B3GALT1: variants seen among roughly 807,000 people sequenced by gnomAD.
The protein encoded by B3GALT1 is beta-1,3-galactosyltransferase 1.
Under a neutral mutation model 23.2 loss-of-function variants are expected in B3GALT1, and 10 were observed. The observed-to-expected ratio is 0.43, with a 90% CI of 0.27 to 0.73. B3GALT1 has a LOEUF of 0.73. Ranked by LOEUF, B3GALT1 falls within the 30% of genes least tolerant of loss-of-function variation. The pLI is 0.21. For missense variants in B3GALT1, 299 were observed against 405.4 expected (o/e 0.74, Z 2.25); for synonymous variants, 156 against 141.5 (o/e 1.10, Z -0.73).
chr2:167,646,506 C>T (rs1685750400), intron 2 of B3GALT1, among the ~76,000 whole-genome samples: 1 of 152,210 alleles, frequency 6.6e-6, no homozygotes, highest in African/African-American at 2.4e-5. Context: ...GCTGAAACTA[C>T]CTTTTTGTGA....
chr2:167,552,101 A>C (rs1443957859), intron 2 of B3GALT1, among the ~76,000 whole-genome samples: 1 of 152,174 alleles, frequency 6.6e-6, no homozygotes, highest in Non-Finnish European at 1.5e-5. Context: ...TTTTGCTTGC[A>C]ATGGAAAATT....
chr2:167,683,142 C>G (rs144256599), intron 3 of B3GALT1, among the ~76,000 whole-genome samples: 42 of 152,240 alleles, frequency 2.8e-4, no homozygotes, highest in African/African-American at 7.9e-4. Context: ...CACAGATTCC[C>G]TAAATACTTT....
intron 2 of B3GALT1, among the ~76,000 whole-genome samples, chr2:167,572,946 C>T (rs1343988337): frequency 6.6e-6 from 1 of 151,712 alleles, no homozygotes; most frequent in Non-Finnish European, 1.5e-5. Context: ...AATCCTGCTG[C>T]CTCCTTACCC....
intron 1 of B3GALT1, among the ~76,000 whole-genome samples, chr2:167,394,737 G>A (rs1698069744): frequency 3.9e-5 from 6 of 152,116 alleles, no homozygotes; most frequent in Admixed American, 3.3e-4. Context: ...GTGTTTTATG[G>A]GTGGAAGAAG....
intron 2 of B3GALT1, among the ~76,000 whole-genome samples, chr2:167,589,455 T>A (rs1385538658): frequency 6.6e-6 from 1 of 152,166 alleles, no homozygotes; most frequent in African/African-American, 2.4e-5. Flanking sequence ...ACTTTCAAAT[T>A]TGAACCTGGC....
At chr2:167,591,187 A>T (rs776514801) in intron 2 of B3GALT1, among the ~76,000 whole-genome samples, 206 of 152,282 alleles carry the variant, frequency 1.4e-3, no homozygotes, top group Middle Eastern at 3.4e-3. Flanking sequence ...GTAAGAACGT[A>T]AAAATTTGAG....
At chr2:167,714,789 C>G in intron 3 of B3GALT1, 1 of 1,613,698 alleles carries the variant, frequency 6.2e-7, no homozygotes, top group Admixed American at 1.7e-5. Flanking sequence ...TCCAGCTCTT[C>G]AGTGACATGG....
chr2:167,784,763 C>A (rs558990017), intron 3 of B3GALT1, among the ~76,000 whole-genome samples: 1 of 152,140 alleles, frequency 6.6e-6, no homozygotes, highest in African/African-American at 2.4e-5. Flanking sequence ...AGGAGACCAC[C>A]CAATATTCCA....
At chr2:167,356,258 T>C (rs1301509466) in intron 1 of B3GALT1, among the ~76,000 whole-genome samples, 3 of 152,224 alleles carry the variant, frequency 2.0e-5, no homozygotes, top group African/African-American at 4.8e-5. Flanking sequence ...CTAAACTTTA[T>C]ACTAACTACA....
chr2:167,401,370 T>A (rs1291965118), intron 1 of B3GALT1, among the ~76,000 whole-genome samples: 2 of 152,088 alleles, frequency 1.3e-5, no homozygotes, highest in Non-Finnish European at 2.9e-5. Flanking sequence ...TGAAACTGAC[T>A]CTCTCAATGG....
intron 3 of B3GALT1, among the ~76,000 whole-genome samples, chr2:167,686,458 G>A (rs1388142197): frequency 6.6e-6 from 1 of 152,050 alleles, no homozygotes; most frequent in Non-Finnish European, 1.5e-5. Flanking sequence ...ATTGTTTTTT[G>A]TGCTTCCAAA....
At chr2:167,397,830 A>G (rs1475300473) in intron 1 of B3GALT1, among the ~76,000 whole-genome samples, 1 of 152,146 alleles carries the variant, frequency 6.6e-6, no homozygotes, top group African/African-American at 2.4e-5. Context: ...AGAACTATGA[A>G]CAGAATTCTG....
intron 1 of B3GALT1, among the ~76,000 whole-genome samples, chr2:167,484,666 T>G (rs1431004421): frequency 6.6e-6 from 1 of 152,186 alleles, no homozygotes; most frequent in African/African-American, 2.4e-5. Flanking sequence ...GGTTCTATTA[T>G]GTAGATGAAG....
At chr2:167,797,073 A>G (rs1015785795) in intron 3 of B3GALT1, among the ~76,000 whole-genome samples, 3 of 152,138 alleles carry the variant, frequency 2.0e-5, no homozygotes, top group Admixed American at 6.6e-5. Context: ...AGATCAACCC[A>G]TCACCTAGGT....
intron 2 of B3GALT1, among the ~76,000 whole-genome samples, chr2:167,622,262 G>A (rs182712699): frequency 3.3e-5 from 5 of 151,936 alleles, no homozygotes; most frequent in Non-Finnish European, 7.4e-5. Flanking sequence ...TCCAACTCTG[G>A]CCAAAGAACC....
chr2:167,752,572 T>A (rs1687754977), intron 3 of B3GALT1, among the ~76,000 whole-genome samples: 2 of 134,710 alleles, frequency 1.5e-5, no homozygotes, highest in Admixed American at 7.5e-5. Context: ...AATAGCATCC[T>A]CCCCCCCGCC....
chr2:167,343,165 G>GA (rs1443518657), intron 1 of B3GALT1, among the ~76,000 whole-genome samples: 1 of 152,108 alleles, frequency 6.6e-6, no homozygotes, highest in Non-Finnish European at 1.5e-5. Flanking sequence ...CAGGTTGAGT[G>GA]AAAAATGGAA....
At chr2:167,492,468 G>A (rs1435885407) in intron 2 of B3GALT1, among the ~76,000 whole-genome samples, 1 of 152,140 alleles carries the variant, frequency 6.6e-6, no homozygotes. Flanking sequence ...GTGGACAGAA[G>A]TTTTCAACTC....
chr2:167,615,593 T>G (rs544755027), intron 2 of B3GALT1, among the ~76,000 whole-genome samples: 1 of 152,212 alleles, frequency 6.6e-6, no homozygotes, highest in Non-Finnish European at 1.5e-5. Flanking sequence ...TCAATTCTAT[T>G]TATACATGTA....
Sources: gnomAD v4.1 joint callset for allele counts (sites outside exome capture counted in the v4.1 genomes callset) on GRCh38, gnomAD v4.1.1 for gene constraint, MANE v1.5 for transcripts, NCBI Gene and HGNC (gene_info 2026-07-23, HGNC 2026-07-21) for gene names.